SLC35A5: variants seen among roughly 807,000 people sequenced by gnomAD.
SLC35A5 encodes the protein solute carrier family 35 member A5, also known as UDP-sugar transporter protein SLC35A5.
Under a neutral mutation model 36.3 loss-of-function variants are expected in SLC35A5, and 28 were observed. That is an observed-to-expected ratio of 0.77 (90% CI 0.57 to 1.06). The LOEUF is 1.06. SLC35A5 is among the 50% of genes least tolerant of loss of function. The probability of loss-of-function intolerance (pLI) is 0.00; values close to 1 mark genes in which losing one functional copy is unlikely to be tolerated. For missense variants in SLC35A5, 521 were observed against 499.3 expected, an observed-to-expected ratio of 1.04 and a Z score of -0.41; for synonymous variants, 180 against 173.7, an observed-to-expected ratio of 1.04 and a Z score of -0.29.
chr3:112,563,825 A>C (rs1404265603), intron 2 of SLC35A5, among the ~76,000 whole-genome samples: 1 of 152,018 alleles, frequency 6.6e-6, no homozygotes, highest in Admixed American at 6.5e-5. Flanking sequence ...CCTATAGCAA[A>C]ATGTGTAATT....
intron 5 of SLC35A5, among the ~76,000 whole-genome samples, chr3:112,576,285 G>A (rs1007632608): frequency 2.6e-5 from 4 of 151,878 alleles, no homozygotes; most frequent in Admixed American, 6.6e-5. Context: ...GTGCCACCAC[G>A]CCTGGCTAAT....
rs760482808 is a variant in SLC35A5, at chr3:112,581,149, A to C, written c.1032A>C (p.Thr344=). The C allele has an allele frequency of 1.2e-6, 2 of 1,613,976 alleles. No homozygotes were observed. Among genetic ancestry groups the C allele is most frequent in the East Asian group, 4.5e-5 (2 of 44,876 alleles). Residue 344 remains threonine (T), a synonymous_variant, in exon 6 of 7, where the codon ACA becomes ACC. Coordinates refer to ENST00000492406, the MANE Select transcript of SLC35A5 (RefSeq NM_017945.5). ...CCCAGGTTACCACTGTCATTATCAC[A>C]ACAGTGTCTGTCCTGGTCTTTGACT... ...LMAQVTTVII[T]TVSVLVFDFR... is the part of the protein sequence containing the mutation.
At chr3:112,564,686 A>T (rs187931519) in intron 2 of SLC35A5, among the ~76,000 whole-genome samples, 20 of 152,246 alleles carry the variant, frequency 1.3e-4, no homozygotes, top group South Asian at 1.0e-3. Context: ...CATATTTCAG[A>T]CTATCACATG....
chr3:112,563,412 A>G lies in SLC35A5; in HGVS notation c.9A>G (p.Lys3=), dbSNP rs772438637. 1 of 1,516,938 alleles carries G rather than the reference A, an allele frequency of 6.6e-7. No homozygotes were observed. Among genetic ancestry groups the G allele is most frequent in the Non-Finnish European group, 9.0e-7 (1 of 1,116,702 alleles). The allele number at this position is 1,516,938 out of a possible 1,614,324, so 94.0% of individuals were successfully genotyped here. The stretch of plus-strand genomic sequence containing the variant: ...AATTAAAAAACAGTGGAATGGAAAA[A>G]CAGTGCTGTAGTCATCCTGTAATAT... ME[K]QCCSHPVICS... The change falls in exon 2 of 7, where the codon AAA becomes AAG. Residue 3 remains lysine, a synonymous_variant. Coordinates refer to ENST00000492406, the MANE Select transcript of SLC35A5 (RefSeq NM_017945.5).
chr3:112,572,902 T>C (rs1934509582), intron 4 of SLC35A5, among the ~76,000 whole-genome samples: 1 of 152,222 alleles, frequency 6.6e-6, no homozygotes, highest in Non-Finnish European at 1.5e-5. Context: ...ACTTTCCTCT[T>C]TTCCTCTTAC....
At chr3:112,582,605 G>GTTT in intron 6 of SLC35A5, 66 bp from the exon 7 acceptor site, 2 of 142,278 alleles carry the variant, frequency 1.4e-5, no homozygotes, top group Admixed American at 3.6e-4. Flanking sequence ...TGTTAGTAAG[G>GTTT]TTTTCCCTTT....
At chr3:112,563,347 C>T in intron 1 of SLC35A5, 38 bp from the exon 2 acceptor site, 1 of 1,400,070 alleles carries the variant, frequency 7.1e-7, no homozygotes, top group South Asian at 1.8e-5. Flanking sequence ...TTAGGGTCTG[C>T]CAACAAGGTC....
At chr3:112,564,842 C>T (rs1161836424) in intron 2 of SLC35A5, among the ~76,000 whole-genome samples, 1 of 152,340 alleles carries the variant, frequency 6.6e-6, no homozygotes, top group African/African-American at 2.4e-5. Context: ...TTTAACAAAG[C>T]ACATCTTGCA....
At chr3:112,578,384 TGGG>T (rs1934755928) in intron 5 of SLC35A5, among the ~76,000 whole-genome samples, 3 of 152,204 alleles carry the variant, frequency 2.0e-5, no homozygotes, top group African/African-American at 7.2e-5. Context: ...AGAGATTCTG[TGGG>T]CAAACAATTC....
At position 112,570,686 on chromosome 3, in the gene SLC35A5, A is replaced by G. The variant is rs1576750003; in HGVS notation, c.360+16A>G. 2 of 1,541,186 alleles carry G rather than the reference A, an allele frequency of 1.3e-6. No homozygotes were observed. The highest frequency in any genetic ancestry group is 2.8e-5 in the African/African-American group (2 of 70,180). On this transcript the variant is annotated intron_variant, in intron 4 of 6. Coordinates refer to ENST00000492406, the MANE Select transcript of SLC35A5 (RefSeq NM_017945.5). ...TCTTCAACCAGTAAGTAAATATGAA[A>G]AAGAAAATACCATTGAAAAGATACA...
At position 112,583,971 on chromosome 3, in the gene SLC35A5, A is replaced by G. The variant is rs1214297508; in HGVS notation, c.*1235A>G. 1 of 152,136 alleles carries G rather than the reference A, an allele frequency of 6.6e-6. No homozygotes were observed. Among genetic ancestry groups the G allele is most frequent in the African/African-American group, 2.4e-5 (1 of 41,420 alleles). 9.4% of individuals were successfully genotyped at this position (152,136 alleles called of 1,614,324 possible). On this transcript the variant is annotated 3_prime_UTR_variant, in exon 7 of 7. Transcript: ENST00000492406. Reference sequence around the variant, plus strand: ...CAGGCCTGTATGTTTACAGACTACCATACTGTAAATATGAGCTTTATGGTG... The same window carrying G: ...CAGGCCTGTATGTTTACAGACTACCGTACTGTAAATATGAGCTTTATGGTG...
intron 4 of SLC35A5, among the ~76,000 whole-genome samples, chr3:112,572,746 G>A (rs763475053): frequency 2.6e-4 from 39 of 152,206 alleles, no homozygotes; most frequent in South Asian, 6.2e-4. Context: ...GGGCCAAAGA[G>A]CTCTGATGTT....
At chr3:112,574,546 C>CAA (rs1235423676) in intron 5 of SLC35A5, among the ~76,000 whole-genome samples, 1 of 152,090 alleles carries the variant, frequency 6.6e-6, no homozygotes, top group Non-Finnish European at 1.5e-5. Flanking sequence ...AAGCTCTCTT[C>CAA]AAAGCAAAAG....
chr3:112,573,362 T>G (rs1934532042), intron 4 of SLC35A5, among the ~76,000 whole-genome samples: 2 of 152,200 alleles, frequency 1.3e-5, no homozygotes, highest in Non-Finnish European at 2.9e-5. Context: ...TTCTAAGTGT[T>G]TAGAACAACT....
intron 2 of SLC35A5, among the ~76,000 whole-genome samples, chr3:112,568,316 G>C (rs2107420937): frequency 6.6e-6 from 1 of 152,320 alleles, no homozygotes; most frequent in South Asian, 2.1e-4. Flanking sequence ...TTGGTTTAAT[G>C]TGACTGAGAG....
intron 2 of SLC35A5, among the ~76,000 whole-genome samples, chr3:112,565,445 G>GT (rs1212929185): frequency 6.6e-6 from 1 of 152,162 alleles, no homozygotes; most frequent in African/African-American, 2.4e-5. Context: ...AGCAGGATAT[G>GT]TTGTGAGAAT....
At chr3:112,565,945 G>A (rs1934177274) in intron 2 of SLC35A5, among the ~76,000 whole-genome samples, 1 of 152,156 alleles carries the variant, frequency 6.6e-6, no homozygotes, top group African/African-American at 2.4e-5. Flanking sequence ...ATTATAAATA[G>A]GAGAGTAAAA....
At chr3:112,565,961 G>A (rs1934177760) in intron 2 of SLC35A5, among the ~76,000 whole-genome samples, 1 of 152,080 alleles carries the variant, frequency 6.6e-6, no homozygotes, top group African/African-American at 2.4e-5. Flanking sequence ...TAAAATGAGG[G>A]ACTGTTATGG....
rs188301503 is a variant in SLC35A5, at chr3:112,563,553, A to G, written c.130+20A>G. 1.7e-5 allele frequency: 27 copies of G among 1,580,408 alleles called. No individual in the cohort carries two copies. The African/African-American group carries it at 3.4e-4, about 20-fold the overall frequency. On this transcript the variant is annotated intron_variant, in intron 2 of 6. Coordinates refer to ENST00000492406, the MANE Select transcript of SLC35A5 (RefSeq NM_017945.5). The stretch of plus-strand genomic sequence containing the variant: ...ATGAAGGTAAGTTAAGACTTGGTAT[A>G]TGCATGGAGCACTTCCATCTAATCA...
Sources: gnomAD v4.1 joint callset for allele counts (sites outside exome capture counted in the v4.1 genomes callset) on GRCh38, gnomAD v4.1.1 for gene constraint, MANE v1.5 for transcripts, NCBI Gene and HGNC (gene_info 2026-07-23, HGNC 2026-07-21) for gene names.